CNTNAP2: variants seen among roughly 807,000 people sequenced by gnomAD.
CNTNAP2 encodes contactin associated protein 2.
In CNTNAP2, 98 loss-of-function variants were observed where a neutral mutation model predicts 155.2. The ratio of observed to expected loss-of-function variants is 0.63; its 90% CI spans 0.54 to 0.75. The LOEUF is 0.75. Among genes scored for constraint, CNTNAP2 ranks in the 30% least tolerant of loss-of-function variants. CNTNAP2 has a pLI of 0.00. For synonymous variants in CNTNAP2, 651 were observed against 631.2 expected (o/e 1.03, Z -0.47); for missense variants, 1,727 against 1,688.1 (o/e 1.02, Z -0.40).
In CNTNAP2 at chr7:146,316,154, ATTGT is replaced by A. The variant is rs1413528437; in HGVS notation, c.97+199186_97+199189del. Among the ~76,000 whole-genome samples, 5 of 152,172 alleles carry A rather than the reference ATTGT, an allele frequency of 3.3e-5. No homozygotes were observed. The East Asian group carries it at 9.7e-4, about 29-fold the overall frequency. ...TATTTTGTTTATCAAGTCATCTGTA[ATTGT>A]TTGTAGATAATGATAATGTATTTTG... On this transcript the variant is annotated intron_variant, in intron 1 of 23. Coordinates refer to ENST00000361727, the MANE Select transcript of CNTNAP2 (RefSeq NM_014141.6).
intron 21 of CNTNAP2, among the ~76,000 whole-genome samples, chr7:148,302,430 C>G (rs1797411166): frequency 6.6e-6 from 1 of 152,182 alleles, no homozygotes. Context: ...CTCCTTCTCC[C>G]TTGCCCTGCC....
chr7:147,450,877 C>T (rs1333114078), intron 10 of CNTNAP2, among the ~76,000 whole-genome samples: 1 of 152,202 alleles, frequency 6.6e-6, no homozygotes, highest in Non-Finnish European at 1.5e-5. Context: ...CTCCATTAAA[C>T]TGGACATTAA....
intron 3 of CNTNAP2, among the ~76,000 whole-genome samples, chr7:146,941,790 T>C (rs1039565720): frequency 2.0e-5 from 3 of 152,052 alleles, no homozygotes; most frequent in African/African-American, 7.2e-5. Flanking sequence ...TTTTTTTTTT[T>C]CTTCAGCATG....
At chr7:147,662,886 A>G in intron 13 of CNTNAP2, among the ~76,000 whole-genome samples, 1 of 152,178 alleles carries the variant, frequency 6.6e-6, no homozygotes, top group East Asian at 1.9e-4. Context: ...CAATTTTTTT[A>G]TTGTATTTCT....
chr7:146,707,403 A>T (rs564443467), intron 1 of CNTNAP2, among the ~76,000 whole-genome samples: 3 of 152,190 alleles, frequency 2.0e-5, no homozygotes, highest in Admixed American at 6.6e-5. Flanking sequence ...CAATGACTAC[A>T]TGTTGAACAC....
rs144136674 is a variant in CNTNAP2 at position 148,011,673 on chromosome 7, A to G, written c.2383+33684A>G. ...TGGATTTGCTTATACACGTGCTTTG[A>G]TACATAATCTAGGTTGGGTTTATGT... On this transcript the variant is annotated intron_variant, in intron 15 of 23. Transcript: ENST00000361727. Among the ~76,000 whole-genome samples, 95 of 152,278 alleles carry G rather than the reference A, an allele frequency of 6.2e-4. 1 individual carries two copies. Among genetic ancestry groups the G allele is most frequent in the Non-Finnish European group, 1.1e-3 (72 of 68,012 alleles).
At chr7:148,393,568 A>C (rs1297833754) in intron 22 of CNTNAP2, among the ~76,000 whole-genome samples, 4 of 152,220 alleles carry the variant, frequency 2.6e-5, no homozygotes, top group African/African-American at 9.6e-5. Flanking sequence ...ATCAGTTTCT[A>C]CAGTGTTTTC....
At chr7:146,408,240 A>G (rs202148350) in intron 1 of CNTNAP2, among the ~76,000 whole-genome samples, 1 of 152,208 alleles carries the variant, frequency 6.6e-6, no homozygotes, top group South Asian at 2.1e-4. Flanking sequence ...TAAGCAATTC[A>G]TTGCACTTTA....
intron 9 of CNTNAP2, among the ~76,000 whole-genome samples, chr7:147,391,549 T>C (rs781706411): frequency 3.4e-4 from 52 of 152,236 alleles, no homozygotes; most frequent in Admixed American, 2.7e-3. Context: ...TCAGGTTTAC[T>C]CCACTTAATA....
intron 13 of CNTNAP2, among the ~76,000 whole-genome samples, chr7:147,792,309 A>G (rs141643480): frequency 2.4e-4 from 36 of 152,334 alleles, no homozygotes; most frequent in African/African-American, 8.7e-4. Flanking sequence ...GTAACCGAAA[A>G]GAAACCCCAT....
At chr7:146,532,422 C>G (rs1306599702) in intron 1 of CNTNAP2, among the ~76,000 whole-genome samples, 2 of 152,116 alleles carry the variant, frequency 1.3e-5, no homozygotes, top group East Asian at 3.9e-4. Flanking sequence ...AGACTAGCTT[C>G]AGGCTCTGAA....
chr7:147,340,589 C>T (rs1224535222), intron 9 of CNTNAP2, among the ~76,000 whole-genome samples: 1 of 152,072 alleles, frequency 6.6e-6, no homozygotes, highest in Non-Finnish European at 1.5e-5. Flanking sequence ...GAAGTAGGAG[C>T]TCCTTGTCAA....
Position 147,478,027 on chromosome 7 carries a change from G to A in CNTNAP2, c.1671-7908G>A, listed in dbSNP as rs181511095. Among the ~76,000 whole-genome samples the A allele has an allele frequency of 2.0e-3, 312 of 152,244 alleles. 1 individual carries two copies. Among genetic ancestry groups the A allele is most frequent in the Non-Finnish European group, 1.6e-3 (110 of 68,020 alleles). On this transcript the variant is annotated intron_variant, in intron 10 of 23. Transcript: ENST00000361727. The stretch of plus-strand genomic sequence containing the variant: ...CAACACATAAATGACTTAAATAATA[G>A]CAGCCACCAAATGTATTATGTCATA...
At chr7:147,044,873 G>A (rs1799327301) in intron 4 of CNTNAP2, among the ~76,000 whole-genome samples, 2 of 151,690 alleles carry the variant, frequency 1.3e-5, no homozygotes, top group African/African-American at 4.8e-5. Context: ...TTTATCTGTG[G>A]AAATTTGTTT....
intron 3 of CNTNAP2, among the ~76,000 whole-genome samples, chr7:146,900,900 G>A (rs560003767): frequency 7.2e-5 from 11 of 152,150 alleles, no homozygotes; most frequent in African/African-American, 1.4e-4. Context: ...TAGTGGACAC[G>A]TAATAAATAT....
chr7:147,461,296 A>C (rs917126), intron 10 of CNTNAP2, among the ~76,000 whole-genome samples: 118,232 of 151,414 alleles, frequency 0.78, 46,515 homozygotes, highest in African/African-American at 0.88. Context: ...CCTAAAAACA[A>C]ACAGTTCATT....
chr7:147,615,464 G>C (rs12671745), intron 12 of CNTNAP2, among the ~76,000 whole-genome samples: 3 of 151,072 alleles, frequency 2.0e-5, no homozygotes, highest in Non-Finnish European at 2.9e-5. Flanking sequence ...AAGAATGCAA[G>C]AAGATATAAT....
chr7:147,561,994 A>T, intron 11 of CNTNAP2, 144 bp from the exon 12 acceptor site: 1 of 1,079,742 alleles, frequency 9.3e-7, no homozygotes, highest in Non-Finnish European at 1.4e-6. Context: ...TCATGAATTT[A>T]AATTTAGAGA....
At chr7:146,654,065 T>C (rs1053986686) in intron 1 of CNTNAP2, among the ~76,000 whole-genome samples, 1 of 152,086 alleles carries the variant, frequency 6.6e-6, no homozygotes, top group African/African-American at 2.4e-5. Context: ...GCTTGGTTTG[T>C]AAAGCTGAGG....
Sources: allele counts gnomAD v4.1 joint callset (sites outside exome capture counted in the v4.1 genomes callset), GRCh38; gene constraint gnomAD v4.1.1; transcripts MANE v1.5; gene names NCBI Gene and HGNC (gene_info 2026-07-23, HGNC 2026-07-21).